TBC1D31: variants seen among roughly 807,000 people sequenced by gnomAD.
TBC1D31 encodes the protein TBC1 domain family member 31.
TBC1D31 carries 99 observed loss-of-function variants against 132.9 expected under a neutral mutation model. That is an observed-to-expected ratio of 0.74 (90% CI 0.63 to 0.88). The LOEUF is 0.88. TBC1D31 is among the 40% of genes least tolerant of loss of function. The pLI, the probability that TBC1D31 is intolerant of heterozygous loss-of-function variation, is 0.00. For missense variants in TBC1D31, 1,134 were observed against 1,256.6 expected, an observed-to-expected ratio of 0.90 and a Z score of 1.48; for synonymous variants, 385 against 419.4, an observed-to-expected ratio of 0.92 and a Z score of 1.00.
At chr8:123,077,967 G>T (rs1396771745) in intron 2 of TBC1D31, among the ~76,000 whole-genome samples, 1 of 151,850 alleles carries the variant, frequency 6.6e-6, no homozygotes, top group Non-Finnish European at 1.5e-5. Context: ...AGAATCACTT[G>T]AACCCAGGAG....
chr8:123,079,229 C>T (rs1351647873), intron 2 of TBC1D31, among the ~76,000 whole-genome samples: 1 of 152,134 alleles, frequency 6.6e-6, no homozygotes, highest in Non-Finnish European at 1.5e-5. Context: ...CTATAAAGAA[C>T]TTATTAGGAA....
intron 2 of TBC1D31, among the ~76,000 whole-genome samples, chr8:123,079,837 A>C (rs933130474): frequency 1.8e-5 from 2 of 108,562 alleles, no homozygotes; most frequent in African/African-American, 5.4e-5. Context: ...TTCAGCCCCC[A>C]TTACCTTATT....
At chr8:123,153,132 T>C (rs748327137), downstream of TBC1D31, among the ~76,000 whole-genome samples, 2 of 152,176 alleles carry the variant, frequency 1.3e-5, no homozygotes, top group Non-Finnish European at 2.9e-5. Flanking sequence ...TGCAAACATA[T>C]GCCTGCATGG....
At chr8:123,134,344 G>A (rs1820891241) in intron 17 of TBC1D31, 138 bp downstream of exon 17, 3 of 633,196 alleles carry the variant, frequency 4.7e-6, no homozygotes, top group Non-Finnish European at 8.3e-6. Context: ...CCAGACCTGG[G>A]CAATATAGTG....
At chr8:123,106,741 C>A (rs1317300496) in intron 8 of TBC1D31, among the ~76,000 whole-genome samples, 1 of 152,130 alleles carries the variant, frequency 6.6e-6, no homozygotes, top group East Asian at 1.9e-4. Flanking sequence ...ACACATGTAT[C>A]CTGTGTCAGG....
At chr8:123,076,197 C>T (rs750659922) in intron 1 of TBC1D31, among the ~76,000 whole-genome samples, 1 of 152,236 alleles carries the variant, frequency 6.6e-6, no homozygotes, top group African/African-American at 2.4e-5. Context: ...CCTCCCCAGG[C>T]TCTAGTGATA....
intron 21 of TBC1D31, among the ~76,000 whole-genome samples, chr8:123,150,445 A>T (rs1055192750): frequency 6.6e-6 from 1 of 152,266 alleles, no homozygotes; most frequent in Middle Eastern, 3.2e-3. Context: ...TATGAAATTC[A>T]TAACTATTTT....
At chr8:123,117,621 C>T (rs1483714850) in intron 10 of TBC1D31, among the ~76,000 whole-genome samples, 8 of 151,494 alleles carry the variant, frequency 5.3e-5, no homozygotes, top group East Asian at 1.9e-4. Flanking sequence ...GGCATGGTGG[C>T]GCGCGCCTGT....
At chr8:123,077,785 C>T (rs1455075753) in intron 2 of TBC1D31, among the ~76,000 whole-genome samples, 6 of 152,122 alleles carry the variant, frequency 3.9e-5, no homozygotes, top group Non-Finnish European at 8.8e-5. Flanking sequence ...TGTGGTGACT[C>T]AGGCCTGTGA....
At chr8:123,121,267 A>G (rs938677639) in intron 11 of TBC1D31, among the ~76,000 whole-genome samples, 6 of 152,266 alleles carry the variant, frequency 3.9e-5, no homozygotes, top group South Asian at 2.1e-4. Flanking sequence ...CATTTTATCT[A>G]TTAAAAGTAA....
intron 4 of TBC1D31, 39 bp downstream of exon 4, chr8:123,084,379 G>A (rs1251397339): frequency 2.5e-6 from 4 of 1,588,054 alleles, no homozygotes; most frequent in African/African-American, 1.3e-5. Flanking sequence ...TGTGCTTCTC[G>A]GGCTAATTTC....
intron 10 of TBC1D31, among the ~76,000 whole-genome samples, chr8:123,118,561 A>T (rs562047662): frequency 6.6e-6 from 1 of 152,164 alleles, no homozygotes; most frequent in South Asian, 2.1e-4. Context: ...CAAAACAAAG[A>T]CTCATGTAAA....
At chr8:123,152,747 T>C (rs962294125), downstream of TBC1D31, among the ~76,000 whole-genome samples, 4 of 152,102 alleles carry the variant, frequency 2.6e-5, no homozygotes, top group African/African-American at 7.2e-5. Flanking sequence ...GGCACATGCC[T>C]GTAATCCCAG....
intron 16 of TBC1D31, among the ~76,000 whole-genome samples, chr8:123,133,793 G>A (rs891339678): frequency 3.3e-5 from 5 of 152,160 alleles, no homozygotes; most frequent in African/African-American, 1.2e-4. Flanking sequence ...ATCTACCCCA[G>A]ATTTAAATTG....
At chr8:123,112,048 G>A (rs1818496699) in intron 10 of TBC1D31, among the ~76,000 whole-genome samples, 1 of 151,798 alleles carries the variant, frequency 6.6e-6, no homozygotes, top group African/African-American at 2.4e-5. Context: ...TAGAGATGAA[G>A]TCTTACTATG....
At chr8:123,106,330 G>T (rs1030797500) in intron 8 of TBC1D31, among the ~76,000 whole-genome samples, 5 of 152,136 alleles carry the variant, frequency 3.3e-5, no homozygotes, top group Non-Finnish European at 5.9e-5. Context: ...TCACTCAGTA[G>T]CCTCTTGGTT....
At chr8:123,095,019 A>G (rs1425062564) in intron 5 of TBC1D31, among the ~76,000 whole-genome samples, 1 of 151,892 alleles carries the variant, frequency 6.6e-6, no homozygotes, top group African/African-American at 2.4e-5. Context: ...TTTTTTCCTT[A>G]TAGTTTATTC....
At chr8:123,163,045 T>C in the TBC1D31 span, among the ~76,000 whole-genome samples, 1 of 152,056 alleles carries the variant, frequency 6.6e-6, no homozygotes, top group Non-Finnish European at 1.5e-5. Context: ...TAGGCGGCTC[T>C]CGAACTCCTG....
chr8:123,142,401 A>G lies in TBC1D31; in HGVS notation c.2780A>G (p.Asn927Ser). ...YQEVAKLLRE[N>S]RRKEIEIINA... ...GAAGTAGCCAAACTCCTTAGGGAAA[A>G]CAGAAGGAAAGAAATAGAGATAATA... is the stretch of plus-strand genomic sequence containing the variant. The change falls in exon 19 of 22, where the codon AAC becomes AGC. Residue 927 changes from asparagine to serine, a missense_variant. Asn to Ser is a conservative substitution (Grantham distance 46). Coordinates refer to ENST00000287380, the MANE Select transcript of TBC1D31 (RefSeq NM_145647.4). 1.2e-6 allele frequency: 2 copies of G among 1,607,312 alleles called. No individual in the cohort carries two copies. The highest frequency in any genetic ancestry group is 1.7e-6 in the Non-Finnish European group (2 of 1,177,514).
Sources: allele counts gnomAD v4.1 joint callset (sites outside exome capture counted in the v4.1 genomes callset), GRCh38; gene constraint gnomAD v4.1.1; transcripts MANE v1.5; gene names NCBI Gene and HGNC (gene_info 2026-07-23, HGNC 2026-07-21).